SLC4A10: variants seen among roughly 807,000 people sequenced by gnomAD.
The protein encoded by SLC4A10 is sodium-driven chloride bicarbonate exchanger.
Under a neutral mutation model 137.7 loss-of-function variants are expected in SLC4A10, and 42 were observed. The observed-to-expected ratio is 0.30, with a 90% confidence interval of 0.24 to 0.39. The LOEUF is 0.39. SLC4A10 is among the 10% of genes least tolerant of loss of function. The pLI is 1.00. For synonymous variants in SLC4A10, 474 were observed against 464.1 expected (o/e 1.02, Z -0.27); for missense variants, 925 against 1,355.0 (o/e 0.68, Z 4.98).
At chr2:161,822,992 T>A (rs1005051954) in intron 3 of SLC4A10, among the ~76,000 whole-genome samples, 4 of 152,154 alleles carry the variant, frequency 2.6e-5, no homozygotes, top group Admixed American at 1.3e-4. Context: ...TATGTGTATA[T>A]ATATATACTT....
At chr2:161,757,918 G>A (rs1038828416) in intron 1 of SLC4A10, among the ~76,000 whole-genome samples, 1 of 151,790 alleles carries the variant, frequency 6.6e-6, no homozygotes, top group Admixed American at 6.6e-5. Flanking sequence ...AATAATTTTT[G>A]GTCTTGTGAA....
intron 21 of SLC4A10, among the ~76,000 whole-genome samples, chr2:161,962,965 T>G (rs1419681988): frequency 6.6e-6 from 1 of 152,156 alleles, no homozygotes. Context: ...CTAATATTAC[T>G]TTTTGAAAAT....
chr2:161,859,774 G>A (rs1489350212), intron 5 of SLC4A10, among the ~76,000 whole-genome samples: 2 of 151,548 alleles, frequency 1.3e-5, no homozygotes, highest in Non-Finnish European at 2.9e-5. Flanking sequence ...CTGATTTTTT[G>A]TATTTTTAGA....
At chr2:161,789,492 C>T (rs13016526) in intron 2 of SLC4A10, among the ~76,000 whole-genome samples, 13,211 of 151,520 alleles carry the variant, frequency 0.087, 780 homozygotes, top group African/African-American at 0.16. Flanking sequence ...TACAAACTGG[C>T]GTCTGACATC....
At chr2:161,838,550 G>A (rs2058967015) in intron 3 of SLC4A10, among the ~76,000 whole-genome samples, 1 of 152,112 alleles carries the variant, frequency 6.6e-6, no homozygotes, top group Non-Finnish European at 1.5e-5. Flanking sequence ...TATAAATGGG[G>A]AGAAAAGACA....
intron 7 of SLC4A10, 38 bp downstream of exon 7, chr2:161,872,422 A>C (rs2061185987): frequency 6.0e-6 from 9 of 1,496,842 alleles, no homozygotes; most frequent in African/African-American, 2.8e-5. Flanking sequence ...AAGTTGCTAA[A>C]TTACTACTAG....
chr2:161,984,711 T>G lies in SLC4A10; in HGVS notation c.*1559T>G, dbSNP rs1700618598. 1 of 152,062 alleles carries G rather than the reference T, an allele frequency of 6.6e-6. No homozygotes were observed. The highest frequency in any genetic ancestry group is 2.4e-5 in the African/African-American group (1 of 41,430). The allele number at this position is 152,062 out of a possible 1,614,324, so 9.4% of individuals were successfully genotyped here. A position where few individuals can be genotyped will look rare whatever the true frequency, so the allele number is the denominator to read the frequency against. On this transcript the variant is annotated 3_prime_UTR_variant, in exon 27 of 27. Coordinates refer to ENST00000446997, the MANE Select transcript of SLC4A10 (RefSeq NM_001178015.2). The stretch of plus-strand genomic sequence containing the variant: ...TTTTTATGGAACATGAGCCTAAAAA[T>G]TATAGAAAGAAGAATTTTAAGTTAA...
chr2:161,704,778 G>A (rs1157148398), intron 1 of SLC4A10, among the ~76,000 whole-genome samples: 1 of 151,314 alleles, frequency 6.6e-6, no homozygotes, highest in African/African-American at 2.4e-5. Flanking sequence ...TTACACTTTT[G>A]GTGTTCCATA....
intron 15 of SLC4A10, among the ~76,000 whole-genome samples, chr2:161,915,390 A>T (rs1459678123): frequency 6.6e-6 from 1 of 152,200 alleles, no homozygotes; most frequent in Non-Finnish European, 1.5e-5. Flanking sequence ...TGCCAAGTGA[A>T]TTACATGACT....
At chr2:161,637,048 GATATATATGTATATATCT>G (rs2034508582) in intron 1 of SLC4A10, among the ~76,000 whole-genome samples, 1 of 136,982 alleles carries the variant, frequency 7.3e-6, no homozygotes, top group East Asian at 2.2e-4. Flanking sequence ...TATGTATATA[GATATATATGTATATATCT>G]ATATACATAA....
chr2:161,927,780 A>C (rs1206897793), intron 15 of SLC4A10, among the ~76,000 whole-genome samples: 1 of 152,268 alleles, frequency 6.6e-6, no homozygotes, highest in Non-Finnish European at 1.5e-5. Context: ...AATGCTCACC[A>C]TCACTGGCCA....
chr2:161,817,897 T>C (rs994884881), intron 3 of SLC4A10, among the ~76,000 whole-genome samples: 14 of 151,830 alleles, frequency 9.2e-5, no homozygotes, highest in African/African-American at 3.4e-4. Flanking sequence ...GTAGTATAGT[T>C]TGAAGTCAGG....
intron 26 of SLC4A10, among the ~76,000 whole-genome samples, chr2:161,982,315 C>T (rs1055040539): frequency 3.9e-5 from 6 of 152,090 alleles, no homozygotes; most frequent in Non-Finnish European, 1.5e-5. Flanking sequence ...TCTGCCCTCT[C>T]TGGAACATGG....
intron 1 of SLC4A10, among the ~76,000 whole-genome samples, chr2:161,689,186 T>G (rs2041735803): frequency 6.6e-6 from 1 of 152,132 alleles, no homozygotes; most frequent in Admixed American, 6.6e-5. Context: ...AGAAAGAGTT[T>G]TAAAAATAAA....
At chr2:161,950,662 T>C in intron 18 of SLC4A10, 25 bp from the exon 19 acceptor site, 1 of 1,564,090 alleles carries the variant, frequency 6.4e-7, no homozygotes, top group Non-Finnish European at 8.7e-7. Context: ...AGTTCATAAC[T>C]ATGCACATTC....
intron 1 of SLC4A10, among the ~76,000 whole-genome samples, chr2:161,635,402 T>A (rs1393216243): frequency 2.6e-5 from 4 of 152,142 alleles, no homozygotes; most frequent in Admixed American, 2.6e-4. Context: ...GCAGATGTTG[T>A]CATTCCTTGG....
chr2:161,974,239 G>T lies in SLC4A10; in HGVS notation c.3160-10G>T. ...GGTTCACTTTATATACTTTACATTTGTCTTTTCAGGAAGAACAAAGTATGC... is the reference window on the plus strand; with the variant it reads ...GGTTCACTTTATATACTTTACATTTTTCTTTTCAGGAAGAACAAAGTATGC... On this transcript the variant is annotated splice_polypyrimidine_tract_variant and intron_variant, in intron 23 of 26. Transcript: ENST00000446997. The T allele has an allele frequency of 6.3e-7, 1 of 1,595,028 alleles. No homozygotes were observed. Among genetic ancestry groups the T allele is most frequent in the South Asian group, 1.1e-5 (1 of 86,980 alleles).
At position 161,900,991 on chromosome 2, in the gene SLC4A10, T is replaced by C. The variant is rs765319522; in HGVS notation, c.1422T>C (p.Pro474=). The C allele has an allele frequency of 4.5e-6, 7 of 1,566,570 alleles. No individual in the cohort carries two copies. In the Admixed American group the frequency reaches 1.3e-4, roughly 29 times the overall value. Residue 474 remains proline, a synonymous_variant, in exon 12 of 27, where the codon CCT becomes CCC. Coordinates refer to ENST00000446997, the MANE Select transcript of SLC4A10 (RefSeq NM_001178015.2). ...EAEPHGGHSG[P]ELQRTGRIFG... The stretch of plus-strand genomic sequence containing the variant: ...AGCCCCACGGAGGACATAGTGGACC[T>C]GAACTCCAGCGAACTGGAAGGTTAG...
chr2:161,655,000 T>G (rs2037310194), intron 1 of SLC4A10, among the ~76,000 whole-genome samples: 2 of 152,210 alleles, frequency 1.3e-5, no homozygotes, highest in African/African-American at 4.8e-5. Flanking sequence ...ATCTTCGAAT[T>G]CATGAACACA....
Sources: allele counts gnomAD v4.1 joint callset (sites outside exome capture counted in the v4.1 genomes callset), GRCh38; gene constraint gnomAD v4.1.1; transcripts MANE v1.5; gene names NCBI Gene and HGNC (gene_info 2026-07-23, HGNC 2026-07-21).